Variants in STPG2 observed in about 807,000 individuals in gnomAD.
STPG2 encodes the protein sperm-tail PG-rich repeat-containing protein 2.
In STPG2, 56 loss-of-function variants were observed where a neutral mutation model predicts 54.2. That is an observed-to-expected ratio of 1.03 (90% CI 0.83 to 1.29). The LOEUF is 1.29. STPG2 is among the 50% of genes most tolerant of loss of function. The pLI, the probability that STPG2 is intolerant of heterozygous loss-of-function variation, is 0.00. For synonymous variants in STPG2, 200 were observed against 181.8 expected (o/e 1.10, Z -0.81); for missense variants, 596 against 544.9 (o/e 1.09, Z -0.93).
At chr4:97,659,975 G>C (rs2148960346) in intron 10 of STPG2, among the ~76,000 whole-genome samples, 1 of 152,024 alleles carries the variant, frequency 6.6e-6, no homozygotes, top group East Asian at 1.9e-4. Context: ...TCCTAAAAGA[G>C]AGAGACATTT....
At chr4:97,862,093 G>T (rs1281786977) in intron 8 of STPG2, among the ~76,000 whole-genome samples, 5 of 151,978 alleles carry the variant, frequency 3.3e-5, no homozygotes, top group African/African-American at 1.2e-4. Flanking sequence ...AAATGTAAAT[G>T]GGCTAAATTA....
intron 4 of STPG2, among the ~76,000 whole-genome samples, chr4:97,492,940 C>T (rs1342558451): frequency 6.7e-6 from 1 of 148,960 alleles, no homozygotes; most frequent in Non-Finnish European, 1.5e-5. Context: ...GTAGAGTCTG[C>T]TTTTCCCTTT....
intron 10 of STPG2, among the ~76,000 whole-genome samples, chr4:97,574,917 G>T (rs1376779034): frequency 6.6e-6 from 1 of 151,454 alleles, no homozygotes; most frequent in African/African-American, 2.4e-5. Flanking sequence ...GAAAAAAGAA[G>T]GTCCAAATAA....
intron 3 of STPG2, among the ~76,000 whole-genome samples, chr4:98,110,280 T>C (rs1739308559): frequency 6.6e-6 from 1 of 151,930 alleles, no homozygotes; most frequent in Non-Finnish European, 1.5e-5. Flanking sequence ...AAAGGCAGTC[T>C]CCCAAGAGAA....
intron 10 of STPG2, among the ~76,000 whole-genome samples, chr4:97,652,865 C>T (rs577291570): frequency 1.3e-5 from 2 of 152,032 alleles, no homozygotes; most frequent in South Asian, 2.1e-4. Flanking sequence ...TAAGGTTGCC[C>T]TTAAACTTAG....
At chr4:98,089,454 G>A (rs748873966) in intron 5 of STPG2, among the ~76,000 whole-genome samples, 2 of 151,782 alleles carry the variant, frequency 1.3e-5, no homozygotes, top group South Asian at 2.1e-4. Context: ...CTCGTTGGTC[G>A]ATGGGCACTT....
intron 8 of STPG2, among the ~76,000 whole-genome samples, chr4:97,919,263 T>G (rs1168642408): frequency 1.3e-5 from 2 of 151,488 alleles, no homozygotes; most frequent in Admixed American, 6.6e-5. Flanking sequence ...AGCTGAAAAT[T>G]ATCAATTTAG....
chr4:98,119,334 C>A (rs1739606453), intron 3 of STPG2, among the ~76,000 whole-genome samples: 1 of 151,638 alleles, frequency 6.6e-6, no homozygotes. Flanking sequence ...ATATACAAAC[C>A]CATAACTGAA....
At chr4:98,028,434 C>T (rs185269803) in intron 5 of STPG2, among the ~76,000 whole-genome samples, 1 of 152,236 alleles carries the variant, frequency 6.6e-6, no homozygotes, top group East Asian at 1.9e-4. Context: ...TTATGTAGGA[C>T]ACAATTTAGC....
intron 9 of STPG2, among the ~76,000 whole-genome samples, chr4:97,722,872 A>C (rs1724495876): frequency 7.0e-6 from 1 of 143,512 alleles, no homozygotes; most frequent in Admixed American, 7.2e-5. Context: ...ATCTCGGCTC[A>C]CTGAAAGTTT....
chr4:97,535,222 G>C (rs538519898), intron 4 of STPG2, among the ~76,000 whole-genome samples: 1 of 152,112 alleles, frequency 6.6e-6, no homozygotes, highest in Non-Finnish European at 1.5e-5. Flanking sequence ...TTGTTAAGTG[G>C]CTGTATTATG....
At chr4:97,574,512 A>G (rs1040305083) in intron 10 of STPG2, among the ~76,000 whole-genome samples, 2 of 152,050 alleles carry the variant, frequency 1.3e-5, no homozygotes, top group Non-Finnish European at 2.9e-5. Context: ...GAACTCAGCA[A>G]GGCTTGCTTG....
At chr4:97,841,044 TATTA>T (rs778664691) in intron 8 of STPG2, 112 bp from the exon 9 acceptor site, 37 of 994,682 alleles carry the variant, frequency 3.7e-5, no homozygotes, top group Middle Eastern at 3.3e-4. Context: ...CTAATACTTT[TATTA>T]ATTAAACATT....
chr4:98,127,429 G>A (rs1578183789), intron 3 of STPG2, among the ~76,000 whole-genome samples: 1 of 152,198 alleles, frequency 6.6e-6, no homozygotes, highest in African/African-American at 2.4e-5. Context: ...AGGTGCTTAT[G>A]TCTAAGCCCA....
chr4:98,091,673 T>C (rs536276019), intron 5 of STPG2, among the ~76,000 whole-genome samples: 1 of 148,752 alleles, frequency 6.7e-6, no homozygotes, highest in East Asian at 2.0e-4. Flanking sequence ...ATCCACAGCA[T>C]ATAATAGGTG....
rs554926975 is a variant in STPG2 at position 97,504,940 on chromosome 4, C to A, written c.462+207759G>T. Among the ~76,000 whole-genome samples the A allele has an allele frequency of 2.0e-5, 3 of 152,004 alleles. No homozygotes were observed. The South Asian group carries it at 6.2e-4, about 32-fold the overall frequency. On this transcript the variant is annotated intron_variant, in intron 4 of 4. Transcript: ENST00000522676. The stretch of plus-strand genomic sequence containing the variant: ...CATGGTACAGACAAGGCAAGCTCAA[C>A]ATTTGTAGGAATTAGGCTTGCCCAA...
At chr4:97,925,451 A>C (rs1732298958) in intron 8 of STPG2, among the ~76,000 whole-genome samples, 1 of 152,220 alleles carries the variant, frequency 6.6e-6, no homozygotes, top group Non-Finnish European at 1.5e-5. Flanking sequence ...ACTATGACCA[A>C]TTCACTCTTC....
At chr4:97,698,233 G>C (rs1182190636) in intron 10 of STPG2, among the ~76,000 whole-genome samples, 1 of 152,076 alleles carries the variant, frequency 6.6e-6, no homozygotes, top group Non-Finnish European at 1.5e-5. Context: ...TTTCTGCCTG[G>C]ATTGGCAGAA....
Position 97,840,789 on chromosome 4 carries a change from T to C in STPG2, c.1188A>G (p.Lys396=). 1.2e-6 allele frequency: 2 copies of C among 1,611,402 alleles called. No individual in the cohort carries two copies. Among genetic ancestry groups the C allele is most frequent in the Non-Finnish European group, 1.7e-6 (2 of 1,178,186 alleles). ...TAGACTTACCTGGCCCATCAGTCACTTTTTCTAGGCACCGAGGAGTTGCAC... is the reference window on the plus strand; with the variant it reads ...TAGACTTACCTGGCCCATCAGTCACCTTTTCTAGGCACCGAGGAGTTGCAC... ...FLSATPRCLE[K]VTDGPGPAAY... is the part of the protein sequence containing the mutation. Residue 396 remains lysine (K), a synonymous_variant, in exon 9 of 11, where the codon AAA becomes AAG. Coordinates refer to ENST00000295268, the MANE Select transcript of STPG2 (RefSeq NM_174952.3).
Sources: allele counts gnomAD v4.1 joint callset (sites outside exome capture counted in the v4.1 genomes callset), GRCh38; gene constraint gnomAD v4.1.1; transcripts MANE v1.5; gene names NCBI Gene and HGNC (gene_info 2026-07-23, HGNC 2026-07-21).